Variants in RARB observed in about 807,000 individuals in gnomAD.
RARB encodes retinoic acid receptor beta, also known as HBV-activated protein.
RARB carries 17 observed loss-of-function variants against 51.9 expected under a neutral mutation model. The ratio of observed to expected loss-of-function variants is 0.33; its 90% CI spans 0.22 to 0.49. RARB has a LOEUF of 0.49. RARB is among the 20% of genes least tolerant of loss of function. The probability of loss-of-function intolerance (pLI) is 0.99; values close to 1 mark genes in which losing one functional copy is unlikely to be tolerated. For synonymous variants in RARB, 215 were observed against 195.4 expected, an observed-to-expected ratio of 1.10 and a Z score of -0.84; for missense variants, 369 against 550.8, an observed-to-expected ratio of 0.67 and a Z score of 3.30.
intron 5 of RARB, among the ~76,000 whole-genome samples, chr3:25,284,032 G>T (rs1226097794): frequency 6.6e-6 from 1 of 152,096 alleles, no homozygotes; most frequent in African/African-American, 2.4e-5. Flanking sequence ...CTTTTCTCCT[G>T]CTGGCAATCT....
intron 5 of RARB, among the ~76,000 whole-genome samples, chr3:25,243,946 C>G (rs1013452456): frequency 6.6e-6 from 1 of 151,934 alleles, no homozygotes; most frequent in Non-Finnish European, 1.5e-5. Context: ...TTCCTGGGCT[C>G]TTTTTAATTG....
intron 2 of RARB, among the ~76,000 whole-genome samples, chr3:25,011,775 A>G (rs1697400206): frequency 1.3e-5 from 2 of 152,130 alleles, no homozygotes; most frequent in South Asian, 4.1e-4. Flanking sequence ...TATAATCCAC[A>G]TAGCAGACTA....
chr3:25,191,021 T>C (rs1156251900), intron 5 of RARB, among the ~76,000 whole-genome samples: 1 of 152,174 alleles, frequency 6.6e-6, no homozygotes, highest in African/African-American at 2.4e-5. Context: ...GGTTCACGTT[T>C]GTTTTGTAAA....
At chr3:25,120,954 C>G (rs1699774849) in intron 3 of RARB, among the ~76,000 whole-genome samples, 1 of 152,146 alleles carries the variant, frequency 6.6e-6, no homozygotes, top group African/African-American at 2.4e-5. Context: ...CCCACAGAGC[C>G]TATTTATTAT....
intron 2 of RARB, among the ~76,000 whole-genome samples, chr3:25,500,748 G>T (rs1697272701): frequency 6.6e-6 from 1 of 151,914 alleles, no homozygotes; most frequent in African/African-American, 2.4e-5. Flanking sequence ...CAAAGTGCTG[G>T]GATTACAGGA....
At chr3:25,164,234 G>A (rs188790996) in intron 4 of RARB, among the ~76,000 whole-genome samples, 7 of 152,290 alleles carry the variant, frequency 4.6e-5, no homozygotes, top group East Asian at 1.9e-4. Flanking sequence ...GATCTCACCC[G>A]AGAAACTGAT....
intron 5 of RARB, among the ~76,000 whole-genome samples, chr3:25,280,224 A>G (rs1326084290): frequency 1.3e-5 from 2 of 152,002 alleles, no homozygotes; most frequent in African/African-American, 4.8e-5. Flanking sequence ...AACTGGGGGG[A>G]ACTTAGCAAG....
chr3:25,301,810 G>A (rs947101559), intron 5 of RARB, among the ~76,000 whole-genome samples: 3 of 152,178 alleles, frequency 2.0e-5, no homozygotes, highest in Admixed American at 1.3e-4. Context: ...TCACATCTGA[G>A]AAAGTATCTT....
chr3:24,848,473 G>A (rs1702512819), intron 1 of RARB, among the ~76,000 whole-genome samples: 1 of 152,096 alleles, frequency 6.6e-6, no homozygotes, highest in African/African-American at 2.4e-5. Context: ...GCATTCTTAA[G>A]CCTATTGACT....
intron 3 of RARB, among the ~76,000 whole-genome samples, chr3:25,506,252 C>CAAA (rs35856686): frequency 5.2e-4 from 30 of 57,704 alleles, no homozygotes; most frequent in East Asian, 1.6e-3. Flanking sequence ...GACTCCATCT[C>CAAA]AAAAAAAAAA....
intron 2 of RARB, among the ~76,000 whole-genome samples, chr3:25,474,027 G>A (rs923296456): frequency 6.6e-6 from 1 of 151,762 alleles, no homozygotes; most frequent in Admixed American, 6.6e-5. Context: ...AAAACTCTGA[G>A]GTAGGTCAGC....
At chr3:25,055,198 A>T (rs1392965279) in intron 2 of RARB, among the ~76,000 whole-genome samples, 2 of 152,174 alleles carry the variant, frequency 1.3e-5, no homozygotes, top group Non-Finnish European at 2.9e-5. Flanking sequence ...ACGGTTTGGG[A>T]TTTGTATTTG....
intron 3 of RARB, among the ~76,000 whole-genome samples, chr3:25,125,212 A>G (rs1194846786): frequency 6.6e-6 from 1 of 152,216 alleles, no homozygotes; most frequent in Non-Finnish European, 1.5e-5. Context: ...AGAAAGACGA[A>G]GTTTAATCAG....
intron 3 of RARB, among the ~76,000 whole-genome samples, chr3:25,511,290 G>A (rs528452974): frequency 1.4e-3 from 211 of 152,030 alleles, no homozygotes; most frequent in African/African-American, 5.0e-3. Flanking sequence ...CCGCCACCAC[G>A]CTCGGCTAAT....
intron 2 of RARB, among the ~76,000 whole-genome samples, chr3:24,995,320 T>G (rs1400477066): frequency 6.6e-6 from 1 of 152,106 alleles, no homozygotes; most frequent in Non-Finnish European, 1.5e-5. Flanking sequence ...TTTATGATTT[T>G]TGTGTGTTCA....
chr3:25,227,848 C>T (rs73149242), intron 5 of RARB, among the ~76,000 whole-genome samples: 1,708 of 152,196 alleles, frequency 0.011, 28 homozygotes, highest in African/African-American at 0.039. Flanking sequence ...TTATCCCAGC[C>T]AGGTTTTACT....
intron 2 of RARB, among the ~76,000 whole-genome samples, chr3:24,937,295 A>AAGC (rs1203033296): frequency 6.6e-6 from 1 of 152,152 alleles, no homozygotes; most frequent in African/African-American, 2.4e-5. Context: ...TGTATGTTAG[A>AAGC]GAATTCGCTT....
chr3:24,888,011 A>C (rs1258942151), intron 2 of RARB, among the ~76,000 whole-genome samples: 1 of 152,156 alleles, frequency 6.6e-6, no homozygotes, highest in Non-Finnish European at 1.5e-5. Flanking sequence ...CATGGCCTAC[A>C]TGCATATGTT....
intron 2 of RARB, among the ~76,000 whole-genome samples, chr3:25,000,302 T>C (rs1054270171): frequency 1.3e-5 from 2 of 152,102 alleles, no homozygotes; most frequent in African/African-American, 2.4e-5. Context: ...AATGTTTCCA[T>C]AGACCTTGCA....
Sources: gnomAD v4.1 joint callset for allele counts (sites outside exome capture counted in the v4.1 genomes callset) on GRCh38, gnomAD v4.1.1 for gene constraint, MANE v1.5 for transcripts, NCBI Gene and HGNC (gene_info 2026-07-23, HGNC 2026-07-21) for gene names.